ZNF407: variants seen among roughly 807,000 people sequenced by gnomAD.
The protein encoded by ZNF407 is zinc finger protein 407.
A neutral mutation model predicts 131.2 loss-of-function variants in ZNF407; 17 were observed. That is an observed-to-expected ratio of 0.13 (90% CI 0.09 to 0.19). The LOEUF is 0.19. Ranked by LOEUF, ZNF407 falls within the 10% of genes least tolerant of loss-of-function variation. The pLI is 1.00. For missense variants in ZNF407, 2,681 were observed against 2,830.6 expected (o/e 0.95, Z 1.20); for synonymous variants, 1,156 against 1,062.0 (o/e 1.09, Z -1.72).
chr18:75,003,004 C>T (rs1402411607), intron 8 of ZNF407, among the ~76,000 whole-genome samples: 1 of 152,200 alleles, frequency 6.6e-6, no homozygotes, highest in African/African-American at 2.4e-5. Flanking sequence ...ATCCATATCA[C>T]ACTTCATGCT....
At chr18:74,961,328 G>A (rs529615731) in intron 8 of ZNF407, among the ~76,000 whole-genome samples, 2 of 152,024 alleles carry the variant, frequency 1.3e-5, no homozygotes, top group African/African-American at 2.4e-5. Flanking sequence ...CCAAGATCAC[G>A]GTGACCTAGC....
At chr18:74,700,660 A>G (rs1967471402) in intron 3 of ZNF407, among the ~76,000 whole-genome samples, 2 of 152,232 alleles carry the variant, frequency 1.3e-5, no homozygotes, top group Non-Finnish European at 2.9e-5. Context: ...GTGATGACAG[A>G]GGAGACTTAG....
At chr18:75,055,976 C>T (rs1409795665) in intron 8 of ZNF407, among the ~76,000 whole-genome samples, 1 of 152,172 alleles carries the variant, frequency 6.6e-6, no homozygotes, top group African/African-American at 2.4e-5. Flanking sequence ...AAAGCAATTT[C>T]CCCATCTCTT....
chr18:74,840,265 T>A (rs1323933328), intron 4 of ZNF407, among the ~76,000 whole-genome samples: 4 of 152,088 alleles, frequency 2.6e-5, no homozygotes, highest in Non-Finnish European at 5.9e-5. Context: ...ACTTAGTCTT[T>A]GGCCTGTCCC....
intron 3 of ZNF407, among the ~76,000 whole-genome samples, chr18:74,656,162 A>T (rs1945384914): frequency 1.3e-5 from 2 of 152,170 alleles, no homozygotes; most frequent in Admixed American, 1.3e-4. Flanking sequence ...TTTTACTCAC[A>T]CATTTGTTAA....
At chr18:74,621,004 C>T (rs1301381703) in intron 1 of ZNF407, among the ~76,000 whole-genome samples, 9 of 152,278 alleles carry the variant, frequency 5.9e-5, no homozygotes, top group East Asian at 1.9e-4. Context: ...GTCTATTCAA[C>T]GAATGCCTCC....
intron 8 of ZNF407, among the ~76,000 whole-genome samples, chr18:74,998,567 C>T (rs1263604149): frequency 6.6e-6 from 1 of 151,820 alleles, no homozygotes; most frequent in Non-Finnish European, 1.5e-5. Flanking sequence ...CAAAAGAAGA[C>T]ATTTATGCAG....
chr18:74,648,771 A>G (rs1215146648), intron 3 of ZNF407, among the ~76,000 whole-genome samples: 1 of 152,242 alleles, frequency 6.6e-6, no homozygotes, highest in African/African-American at 2.4e-5. Flanking sequence ...TGTAACTAAT[A>G]CCATGGTACC....
chr18:74,712,509 A>G (rs1349339148), intron 3 of ZNF407, among the ~76,000 whole-genome samples: 1 of 152,186 alleles, frequency 6.6e-6, no homozygotes, highest in Non-Finnish European at 1.5e-5. Flanking sequence ...AAGCCATCCA[A>G]GTGGTCACAT....
chr18:74,847,586 T>G (rs945741592), intron 4 of ZNF407, among the ~76,000 whole-genome samples: 1 of 152,200 alleles, frequency 6.6e-6, no homozygotes, highest in Non-Finnish European at 1.5e-5. Flanking sequence ...AGGAAGAAAC[T>G]GCCAGCAGAA....
intron 4 of ZNF407, among the ~76,000 whole-genome samples, chr18:74,802,667 A>T (rs1233496167): frequency 6.6e-6 from 1 of 152,168 alleles, no homozygotes; most frequent in Non-Finnish European, 1.5e-5. Context: ...ATTTTGTGAA[A>T]TATTCTAAGT....
chr18:74,648,026 T>G (rs1383316132), intron 3 of ZNF407, among the ~76,000 whole-genome samples: 2 of 152,180 alleles, frequency 1.3e-5, no homozygotes, highest in Admixed American at 6.5e-5. Flanking sequence ...GAAGTGTATG[T>G]GACTAACTGG....
At position 75,063,410 on chromosome 18, in the gene ZNF407, G is replaced by A. The variant is rs368159853; in HGVS notation, c.5689G>A (p.Gly1897Ser). ...AATLQTLAMA[G>S]QVARVVHITE... The stretch of plus-strand genomic sequence containing the variant: ...CACGCTGCAGACGCTGGCCATGGCC[G>A]GCCAGGTGGCCCGGGTGGTGCATAT... The change falls in exon 9 of 9, where the codon GGC becomes AGC. Residue 1897 changes from glycine to serine, a missense_variant. This residue lies in a region of ZNF407 where 620 missense variants were observed against 583.1 expected (regional missense o/e 1.06). Transcript: ENST00000299687. The surrounding 1 kb of genome is among the most constrained non-coding windows in gnomAD (Gnocchi z 6.6). 107 of 1,610,340 alleles carry A rather than the reference G, an allele frequency of 6.6e-5. No individual in the cohort carries two copies. The highest frequency in any genetic ancestry group is 8.9e-5 in the East Asian group (4 of 44,712).
At chr18:74,989,182 C>A (rs914665278) in intron 8 of ZNF407, among the ~76,000 whole-genome samples, 2 of 152,132 alleles carry the variant, frequency 1.3e-5, no homozygotes, top group Non-Finnish European at 2.9e-5. Context: ...CAATGTTATC[C>A]TGAGAGAAAG....
At chr18:74,939,056 CAGAA>C (rs1972069748) in intron 8 of ZNF407, among the ~76,000 whole-genome samples, 2 of 152,146 alleles carry the variant, frequency 1.3e-5, no homozygotes, top group Admixed American at 6.6e-5. Flanking sequence ...CTTTTTGATT[CAGAA>C]AGAGAGGGTA....
intron 1 of ZNF407, among the ~76,000 whole-genome samples, chr18:74,612,170 A>T (rs1013166518): frequency 8.5e-5 from 13 of 152,184 alleles, no homozygotes; most frequent in Non-Finnish European, 1.5e-5. Context: ...CCCTTTTTTT[A>T]AAGTTTAGAA....
At chr18:74,783,528 G>A (rs1362578853) in intron 4 of ZNF407, among the ~76,000 whole-genome samples, 3 of 150,996 alleles carry the variant, frequency 2.0e-5, no homozygotes, top group African/African-American at 4.9e-5. Flanking sequence ...TATATATTAC[G>A]AATTTGAGAA....
intron 4 of ZNF407, among the ~76,000 whole-genome samples, chr18:74,875,999 G>A (rs1971150658): frequency 1.3e-5 from 2 of 152,092 alleles, no homozygotes; most frequent in South Asian, 4.2e-4. Flanking sequence ...ATTTGTTAAG[G>A]TAATTCACAT....
intron 4 of ZNF407, among the ~76,000 whole-genome samples, chr18:74,870,366 C>G (rs1031081445): frequency 2.6e-5 from 4 of 152,130 alleles, no homozygotes; most frequent in African/African-American, 9.7e-5. Flanking sequence ...AAAATGTGCT[C>G]AAGACTCTTG....
Sources: gnomAD v4.1 joint callset for allele counts (sites outside exome capture counted in the v4.1 genomes callset) on GRCh38, gnomAD v4.1.1 for gene constraint, gnomAD v4.1.1 regional missense constraint, Gnocchi (gnomAD v3.1) non-coding constraint, MANE v1.5 for transcripts, NCBI Gene and HGNC (gene_info 2026-07-23, HGNC 2026-07-21) for gene names.